The following SEZ6L variants were observed in gnomAD, a reference collection of about 807,000 sequenced individuals.
The protein encoded by SEZ6L is seizure 6-like protein.
A neutral mutation model predicts 106.2 loss-of-function variants in SEZ6L; 37 were observed. The ratio of observed to expected loss-of-function variants is 0.35; its 90% CI spans 0.27 to 0.46. The LOEUF (loss-of-function observed/expected upper bound fraction) is 0.46. Ranked by LOEUF, SEZ6L falls within the 20% of genes least tolerant of loss-of-function variation. The pLI is 1.00. For missense variants in SEZ6L, 1,172 were observed against 1,332.8 expected (o/e 0.88, Z 1.88); for synonymous variants, 541 against 570.4 (o/e 0.95, Z 0.73).
chr22:26,325,366 TAC>T (rs2082275489), intron 9 of SEZ6L, among the ~76,000 whole-genome samples: 1 of 152,208 alleles, frequency 6.6e-6, no homozygotes, highest in South Asian at 2.1e-4. Context: ...CAAATGATAT[TAC>T]TGTGTACAAT....
chr22:26,272,863 A>G (rs535806413), intron 1 of SEZ6L, among the ~76,000 whole-genome samples: 16 of 152,362 alleles, frequency 1.1e-4, no homozygotes, highest in Admixed American at 3.9e-4. Context: ...TCCCAGACCC[A>G]TCAACCTCTC....
At chr22:26,323,847 T>A (rs2082224142) in intron 9 of SEZ6L, among the ~76,000 whole-genome samples, 1 of 152,076 alleles carries the variant, frequency 6.6e-6, no homozygotes, top group South Asian at 2.1e-4. Context: ...TGTGCCAGTC[T>A]TTACATGCTT....
In SEZ6L at chr22:26,265,201, G is replaced by A. The variant is rs565161519; in HGVS notation, c.95-27205G>A. Among the ~76,000 whole-genome samples, 4 of 152,240 alleles carry A rather than the reference G, an allele frequency of 2.6e-5. No individual in the cohort carries two copies. The South Asian group carries it at 6.2e-4, about 24-fold the overall frequency. On this transcript the variant is annotated intron_variant, in intron 1 of 16. Coordinates refer to ENST00000248933, the MANE Select transcript of SEZ6L (RefSeq NM_021115.5). ...AGGAGGTAGGGATGGCATAGCTGGG[G>A]CAAGTTTCCTTACACCACCCTGTGC...
intron 12 of SEZ6L, among the ~76,000 whole-genome samples, chr22:26,356,642 AAATAATAAT>A (rs59145201): frequency 0.085 from 12,090 of 142,634 alleles, 653 homozygotes; most frequent in East Asian, 0.14. Context: ...ATTCTGTCTC[AAATAATAAT>A]AATAATAATA....
chr22:26,292,935 G>A lies in SEZ6L; in HGVS notation c.624G>A (p.Gln208=), dbSNP rs1464386412. The A allele has an allele frequency of 1.9e-6, 3 of 1,614,040 alleles. No individual in the cohort carries two copies. The highest frequency in any genetic ancestry group is 2.5e-6 in the Non-Finnish European group (3 of 1,180,018). The change falls in exon 2 of 17, where the codon CAG becomes CAA. Residue 208 remains glutamine (Q), a synonymous_variant. Coordinates refer to ENST00000248933, the MANE Select transcript of SEZ6L (RefSeq NM_021115.5). ...APLQISPFTS[Q]PYVAHTLPQR... The stretch of plus-strand genomic sequence containing the variant: ...TGCAAATCTCCCCCTTCACTTCGCA[G>A]CCCTATGTGGCCCACACACTCCCCC...
At chr22:26,298,625 C>T (rs1463556651) in intron 4 of SEZ6L, among the ~76,000 whole-genome samples, 4 of 152,174 alleles carry the variant, frequency 2.6e-5, no homozygotes, top group African/African-American at 7.2e-5. Flanking sequence ...AAGATGTGCA[C>T]GCAGGTGGGA....
At chr22:26,307,502 A>G (rs2081669467) in intron 6 of SEZ6L, among the ~76,000 whole-genome samples, 1 of 152,016 alleles carries the variant, frequency 6.6e-6, no homozygotes, top group South Asian at 2.1e-4. Context: ...AGACAACTGA[A>G]TAATTTTCCC....
intron 9 of SEZ6L, among the ~76,000 whole-genome samples, chr22:26,320,622 C>T (rs1204161488): frequency 1.3e-5 from 2 of 152,140 alleles, no homozygotes; most frequent in Admixed American, 1.3e-4. Context: ...TGCAGCCCCG[C>T]CCCCGGGGAG....
At chr22:26,347,698 A>G (rs1216191734) in intron 10 of SEZ6L, 21 bp from the exon 11 acceptor site, 3 of 1,586,724 alleles carry the variant, frequency 1.9e-6, no homozygotes, top group East Asian at 4.7e-5. Flanking sequence ...CCCATCTAAG[A>G]CTGACGTTTC....
At chr22:26,292,316 C>T (rs907377311) in intron 1 of SEZ6L, 90 bp from the exon 2 acceptor site, 24 of 1,024,212 alleles carry the variant, frequency 2.3e-5, no homozygotes, top group African/African-American at 3.2e-5. Flanking sequence ...CTTTGGGCAC[C>T]GCCCTTAGGA....
intron 10 of SEZ6L, among the ~76,000 whole-genome samples, chr22:26,342,148 T>C (rs1248217352): frequency 6.6e-6 from 1 of 152,122 alleles, no homozygotes; most frequent in Non-Finnish European, 1.5e-5. Flanking sequence ...AGACCTAACA[T>C]CCTTTGACAT....
intron 3 of SEZ6L, among the ~76,000 whole-genome samples, chr22:26,294,943 C>T (rs1418820977): frequency 1.4e-5 from 2 of 145,564 alleles, no homozygotes; most frequent in Non-Finnish European, 1.5e-5. Context: ...CTCTTTCTTT[C>T]TTTCTTTCTT....
chr22:26,280,096 G>T (rs1382973514), intron 1 of SEZ6L, among the ~76,000 whole-genome samples: 1 of 152,080 alleles, frequency 6.6e-6, no homozygotes, highest in Non-Finnish European at 1.5e-5. Context: ...CCATTACCTG[G>T]TTCAAATGTT....
intron 16 of SEZ6L, among the ~76,000 whole-genome samples, chr22:26,379,399 G>T (rs906636591): frequency 6.6e-6 from 1 of 152,240 alleles, no homozygotes; most frequent in Non-Finnish European, 1.5e-5. Context: ...CCCCACAAAG[G>T]CATGAGCCCC....
At chr22:26,375,838 C>T (rs1199169979) in intron 15 of SEZ6L, 149 bp downstream of exon 15, 8 of 613,130 alleles carry the variant, frequency 1.3e-5, no homozygotes, top group East Asian at 2.8e-5. Context: ...CCAGATTCAG[C>T]CCAACTCTGT....
At chr22:26,322,830 A>C (rs538491387) in intron 9 of SEZ6L, among the ~76,000 whole-genome samples, 1 of 152,180 alleles carries the variant, frequency 6.6e-6, no homozygotes, top group South Asian at 2.1e-4. Context: ...TCCCAGCTCC[A>C]TCAGAAATCT....
chr22:26,171,469 C>T (rs1024178799), intron 1 of SEZ6L, among the ~76,000 whole-genome samples: 6 of 151,742 alleles, frequency 4.0e-5, no homozygotes, highest in African/African-American at 1.5e-4. Flanking sequence ...AGCAGTTCTA[C>T]CTCTGAGAAC....
chr22:26,291,994 A>G (rs1176994696), intron 1 of SEZ6L, among the ~76,000 whole-genome samples: 2 of 95,070 alleles, frequency 2.1e-5, no homozygotes, highest in African/African-American at 1.1e-4. Context: ...GAAGGAAGGA[A>G]GGAAGGAAGG....
At chr22:26,226,976 A>G (rs535826175) in intron 1 of SEZ6L, among the ~76,000 whole-genome samples, 1 of 152,324 alleles carries the variant, frequency 6.6e-6, no homozygotes, top group East Asian at 1.9e-4. Context: ...TGGTCTGGTC[A>G]GCTTTGGTCC....
Sources: allele counts gnomAD v4.1 joint callset (sites outside exome capture counted in the v4.1 genomes callset), GRCh38; gene constraint gnomAD v4.1.1; transcripts MANE v1.5; gene names NCBI Gene and HGNC (gene_info 2026-07-23, HGNC 2026-07-21).